TJP1: variants seen among roughly 807,000 people sequenced by gnomAD.
TJP1 encodes the protein tight junction protein 1.
TJP1 carries 43 observed loss-of-function variants against 194.2 expected under a neutral mutation model. The observed-to-expected ratio is 0.22, with a 90% CI of 0.17 to 0.29. The LOEUF is 0.29. Among genes scored for constraint, TJP1 ranks in the 10% least tolerant of loss-of-function variants. The probability of loss-of-function intolerance (pLI) is 1.00; values close to 1 mark genes in which losing one functional copy is unlikely to be tolerated. For synonymous variants in TJP1, 801 were observed against 779.0 expected, an observed-to-expected ratio of 1.03 and a Z score of -0.47; for missense variants, 1,971 against 2,185.7, an observed-to-expected ratio of 0.90 and a Z score of 1.96.
At chr15:29,847,127 G>A (rs910087623) in intron 2 of TJP1, among the ~76,000 whole-genome samples, 3 of 151,912 alleles carry the variant, frequency 2.0e-5, no homozygotes, top group African/African-American at 7.3e-5. Context: ...TTTTGAGACG[G>A]GGTCTTGCTC....
intron 2 of TJP1, among the ~76,000 whole-genome samples, chr15:29,847,636 T>G (rs2051466577): frequency 6.6e-6 from 1 of 151,860 alleles, no homozygotes; most frequent in African/African-American, 2.4e-5. Flanking sequence ...ATACAAAAAA[T>G]TAGCCGGGCG....
chr15:29,714,460 G>A (rs978061135), intron 23 of TJP1, among the ~76,000 whole-genome samples: 23 of 150,182 alleles, frequency 1.5e-4, no homozygotes, highest in African/African-American at 4.2e-4. Context: ...GGATGGTCTC[G>A]ATCTCCTGAC....
chr15:29,924,779 TAAACGG>T (rs2054473854), intron 2 of TJP1, among the ~76,000 whole-genome samples: 1 of 147,730 alleles, frequency 6.8e-6, no homozygotes, highest in Non-Finnish European at 1.5e-5. Flanking sequence ...GTTGCTCTCC[TAAACGG>T]AGATCTTAAC....
At chr15:29,879,382 C>G (rs1461060571) in intron 2 of TJP1, among the ~76,000 whole-genome samples, 2 of 152,216 alleles carry the variant, frequency 1.3e-5, no homozygotes, top group Non-Finnish European at 2.9e-5. Flanking sequence ...ACAGACGCCT[C>G]CCTATCCCTC....
chr15:29,740,451 C>T (rs1022219459), intron 10 of TJP1, among the ~76,000 whole-genome samples: 1 of 151,810 alleles, frequency 6.6e-6, no homozygotes, highest in East Asian at 1.9e-4. Context: ...TGCGGCGAAA[C>T]AAAACCCCGT....
In TJP1 at chr15:29,772,080, C is replaced by T; in HGVS notation, c.296G>A (p.Gly99Glu). 6.3e-7 allele frequency: 1 copy of T among 1,595,310 alleles called. No homozygotes were observed. The highest frequency in any genetic ancestry group is 8.5e-7 in the Non-Finnish European group (1 of 1,173,014). The change falls in exon 4 of 28, where the codon GGG (glycine) becomes GAG (glutamate). Residue 99 changes from glycine (G) to glutamate (E), a missense_variant. Around this residue, in one of 5 missense-constraint regions of TJP1, gnomAD observed 245 missense variants for 336.6 expected, o/e 0.73. Transcript: ENST00000614355. ...AFAVQQLRKSGKNAKITIRRK... is the reference protein window; with the variant it reads ...AFAVQQLRKSEKNAKITIRRK... ...GATACTTACAATTTTTGCATTTTTC[C>T]CACTTTTCCTTAGTTGCTGAACAGC...
intron 2 of TJP1, among the ~76,000 whole-genome samples, chr15:29,893,497 C>T (rs554899655): frequency 3.3e-5 from 5 of 152,162 alleles, no homozygotes; most frequent in Non-Finnish European, 7.3e-5. Context: ...AGTCCATCCA[C>T]GTGGCCAATT....
At chr15:29,862,117 T>G (rs940571715) in intron 2 of TJP1, among the ~76,000 whole-genome samples, 2 of 152,174 alleles carry the variant, frequency 1.3e-5, no homozygotes, top group African/African-American at 4.8e-5. Flanking sequence ...AAGCACTGAA[T>G]CCTAGTCCAA....
intron 2 of TJP1, among the ~76,000 whole-genome samples, chr15:29,864,237 CAAAAAAAA>C (rs397975539): frequency 1.9e-3 from 36 of 18,942 alleles, no homozygotes; most frequent in East Asian, 7.4e-3. Flanking sequence ...ACTAAAAATA[CAAAAAAAA>C]AAAAAAAAAA....
At chr15:29,731,735 T>C (rs2043675158) in intron 15 of TJP1, among the ~76,000 whole-genome samples, 2 of 151,908 alleles carry the variant, frequency 1.3e-5, no homozygotes, top group Non-Finnish European at 1.5e-5. Flanking sequence ...TGTCTGCCCA[T>C]GTCCTGCCTG....
At chr15:29,750,100 C>T (rs1047602386) in intron 8 of TJP1, among the ~76,000 whole-genome samples, 9 of 151,848 alleles carry the variant, frequency 5.9e-5, no homozygotes, top group Middle Eastern at 3.2e-3. Context: ...CTCCGCCTCC[C>T]GGGTTCACGC....
At chr15:29,797,627 C>T (rs1426263182) in intron 2 of TJP1, among the ~76,000 whole-genome samples, 2 of 147,532 alleles carry the variant, frequency 1.4e-5, no homozygotes, top group Non-Finnish European at 1.5e-5. Context: ...CTTCTGTGTA[C>T]CAAAAAGAAT....
chr15:29,739,709 T>C (rs2044269725), intron 10 of TJP1, among the ~76,000 whole-genome samples: 1 of 152,070 alleles, frequency 6.6e-6, no homozygotes, highest in South Asian at 2.1e-4. Flanking sequence ...ACTCCCAAAG[T>C]GCTGGGATTA....
intron 2 of TJP1, among the ~76,000 whole-genome samples, chr15:29,938,686 TCAATTGCTTC>T (rs751088585): frequency 3.9e-5 from 6 of 152,244 alleles, no homozygotes; most frequent in Non-Finnish European, 5.9e-5. Flanking sequence ...ATTCAAAATA[TCAATTGCTTC>T]CAGCAATTCG....
chr15:29,703,815 G>A (rs2041713582), intron 27 of TJP1, among the ~76,000 whole-genome samples: 1 of 151,908 alleles, frequency 6.6e-6, no homozygotes, highest in African/African-American at 2.4e-5. Context: ...GCTAATTTTT[G>A]TATTTTTAGT....
In TJP1 at chr15:29,708,630, G is replaced by C. The variant is rs536664612; in HGVS notation, c.4779C>G (p.Phe1593Leu). Reference protein sequence around the residue: ...PPEFDSGVETFSIHAEKPKYQ... With the variant: ...PPEFDSGVETLSIHAEKPKYQ... The stretch of plus-strand genomic sequence containing the variant: ...ATTTAGGCTTCTCTGCATGGATAGA[G>C]AAAGTTTCAACTCCACTGTCAAACT... Residue 1593 changes from phenylalanine to leucine, a missense_variant, in exon 25 of 28, where the codon TTC becomes TTG. Phe to Leu is a conservative substitution (Grantham distance 22). This residue lies in a region of TJP1 where 1,108 missense variants were observed against 1,128.5 expected (regional missense o/e 0.98). Transcript: ENST00000614355. 2.5e-6 allele frequency: 4 copies of C among 1,614,188 alleles called. No individual in the cohort carries two copies. Among genetic ancestry groups the C allele is most frequent in the East Asian group, 4.5e-5 (2 of 44,876 alleles).
chr15:29,931,332 G>A (rs912359298), intron 2 of TJP1, among the ~76,000 whole-genome samples: 15 of 152,002 alleles, frequency 9.9e-5, no homozygotes, highest in South Asian at 2.1e-4. Context: ...AAGTGGAGCC[G>A]CACTGTTCAA....
chr15:29,869,654 AAGCCAAATC>A (rs1472433499), intron 2 of TJP1, among the ~76,000 whole-genome samples: 1 of 152,074 alleles, frequency 6.6e-6, no homozygotes, highest in East Asian at 1.9e-4. Context: ...CAGTCCCTTG[AAGCCAAATC>A]AGACAGGCAC....
In TJP1 at chr15:29,822,144, G is replaced by T; in HGVS notation, c.-116C>A. On this transcript the variant is annotated 5_prime_UTR_variant, in exon 1 of 28. Coordinates refer to ENST00000614355, the MANE Select transcript of TJP1 (RefSeq NM_001330239.4). ...CATCTCCCGAGAGCGAGCGGGGCACGGGCGGGGGCGGCCGGAAGGGCCCGG... is the reference window on the plus strand; with the variant it reads ...CATCTCCCGAGAGCGAGCGGGGCACTGGCGGGGGCGGCCGGAAGGGCCCGG... 2 of 1,191,736 alleles carry T rather than the reference G, an allele frequency of 1.7e-6. No individual in the cohort carries two copies. Among genetic ancestry groups the T allele is most frequent in the Non-Finnish European group, 2.1e-6 (2 of 960,784 alleles). 73.8% of individuals were successfully genotyped at this position (1,191,736 alleles called of 1,614,324 possible).
Sources: allele counts gnomAD v4.1 joint callset (sites outside exome capture counted in the v4.1 genomes callset), GRCh38; gene constraint gnomAD v4.1.1; regional missense constraint gnomAD v4.1.1; transcripts MANE v1.5; gene names NCBI Gene and HGNC (gene_info 2026-07-23, HGNC 2026-07-21).